Variants in PIGN observed in about 807,000 individuals in gnomAD.
PIGN encodes phosphatidylinositol glycan anchor biosynthesis class N, also known as GPI ethanolamine phosphate transferase 1.
In PIGN, 117 loss-of-function variants were observed where a neutral mutation model predicts 125.4. The observed-to-expected ratio is 0.93, with a 90% CI of 0.80 to 1.09. The LOEUF (loss-of-function observed/expected upper bound fraction) is 1.09. Among genes scored for constraint, PIGN ranks in the 50% least tolerant of loss-of-function variants. The pLI is 0.00. For missense variants in PIGN, 1,075 were observed against 1,094.9 expected (o/e 0.98, Z 0.26); for synonymous variants, 392 against 377.8 (o/e 1.04, Z -0.44).
In PIGN at chr18:62,102,995, C is replaced by T. The variant is rs543911118; in HGVS notation, c.1860-93G>A. The T allele has an allele frequency of 4.8e-5, 27 of 563,374 alleles. No homozygotes were observed. In the South Asian group the frequency reaches 9.3e-4, roughly 19 times the overall value. The allele number at this position is 563,374 out of a possible 1,614,324, so 34.9% of individuals were successfully genotyped here. On this transcript the variant is annotated intron_variant, in intron 20 of 30. Transcript: ENST00000640252. ...TGAGACATCTTACTCTAATACAGAA[C>T]CTCTCAGTCATTTGGCTTAATCAAG...
chr18:62,121,398 T>G lies in PIGN; in HGVS notation c.1173-6759A>C, dbSNP rs557942416. ...CAATAAATCCAAGCACTTTACACAT[T>G]TTTATCACTAAAAGCTGATAATCTA... is the stretch of plus-strand genomic sequence containing the variant. On this transcript the variant is annotated intron_variant, in intron 14 of 30. Transcript: ENST00000640252. Among the ~76,000 whole-genome samples, 3 of 152,294 alleles carry G rather than the reference T, an allele frequency of 2.0e-5. No individual in the cohort carries two copies. In the East Asian group the frequency reaches 5.8e-4, roughly 29 times the overall value.
chr18:62,169,474 T>TTA (rs1273937875), intron 1 of PIGN, among the ~76,000 whole-genome samples: 1 of 74,198 alleles, frequency 1.3e-5, no homozygotes, highest in East Asian at 5.6e-4. Context: ...TTTTTTATTA[T>TTA]TTTTTTTTTG....
At chr18:62,024,587 T>C (rs534520836) in intron 23 of PIGN, among the ~76,000 whole-genome samples, 7 of 152,332 alleles carry the variant, frequency 4.6e-5, no homozygotes, top group African/African-American at 1.7e-4. Flanking sequence ...ACTCCAACCT[T>C]AGCCCCACAT....
At chr18:62,047,139 C>A (rs2030787463) in intron 30 of PIGN, among the ~76,000 whole-genome samples, 1 of 152,250 alleles carries the variant, frequency 6.6e-6, no homozygotes, top group African/African-American at 2.4e-5. Context: ...CAGCCAAACA[C>A]CACAGAAAAA....
chr18:62,185,512 G>C (rs2037888025), intron 1 of PIGN, among the ~76,000 whole-genome samples: 1 of 152,032 alleles, frequency 6.6e-6, no homozygotes, highest in African/African-American at 2.4e-5. Flanking sequence ...TGAAATTAAA[G>C]CCTACTCTTA....
At chr18:62,103,037 G>A in intron 20 of PIGN, 135 bp from the exon 21 acceptor site, 1 of 431,668 alleles carries the variant, frequency 2.3e-6, no homozygotes, top group Non-Finnish European at 4.1e-6. Context: ...TAGCAAAATG[G>A]GTACATTTTC....
chr18:62,081,611 CTTCTAT>C (rs1325638661), intron 28 of PIGN, among the ~76,000 whole-genome samples: 1 of 152,026 alleles, frequency 6.6e-6, no homozygotes, highest in Non-Finnish European at 1.5e-5. Flanking sequence ...TTTGATGAGC[CTTCTAT>C]TTCTCATTCC....
At chr18:62,120,167 C>T (rs2035245090) in intron 14 of PIGN, among the ~76,000 whole-genome samples, 2 of 151,920 alleles carry the variant, frequency 1.3e-5, no homozygotes, top group African/African-American at 4.8e-5. Context: ...AGTAAAACTG[C>T]TGAAAACCAG....
At chr18:62,162,149 C>T (rs535801737) in intron 3 of PIGN, 104 bp downstream of exon 3, 3 of 152,124 alleles carry the variant, frequency 2.0e-5, no homozygotes, top group South Asian at 2.1e-4. Flanking sequence ...TAAAGAATAT[C>T]GAGTTCTCTG....
intron 1 of PIGN, among the ~76,000 whole-genome samples, chr18:62,173,439 C>T (rs1198274975): frequency 1.3e-5 from 2 of 152,028 alleles, no homozygotes; most frequent in African/African-American, 2.4e-5. Flanking sequence ...ACTGTGTCAC[C>T]CAGGCTGGTC....
intron 14 of PIGN, chr18:62,136,500 C>G (rs2147104025): frequency 6.6e-6 from 1 of 152,446 alleles, no homozygotes; most frequent in Middle Eastern, 3.4e-3. Context: ...AGGTGCCCGC[C>G]ACCATGCCCA....
intron 10 of PIGN, 32 bp from the exon 11 acceptor site, chr18:62,143,378 G>C (rs1462796034): frequency 7.5e-7 from 1 of 1,341,458 alleles, no homozygotes; most frequent in African/African-American, 1.4e-5. Context: ...AAGATCTGAT[G>C]TTAAGATTTA....
rs190292838 is a variant in PIGN, at chr18:62,117,734, T to C, written c.1173-3095A>G. On this transcript the variant is annotated intron_variant, in intron 14 of 30. Transcript: ENST00000640252. ...GTATACATATGTATTCTTGTCTACT[T>C]CATCAATTCTATTCTGTCAATTCTT... Among the ~76,000 whole-genome samples the C allele has an allele frequency of 2.2e-3, 340 of 152,194 alleles. 2 individuals are homozygous for C. The highest frequency in any genetic ancestry group is 3.9e-3 in the Admixed American group (59 of 15,268).
chr18:62,090,655 T>C, intron 23 of PIGN, 77 bp from the exon 24 acceptor site: 2 of 727,988 alleles, frequency 2.7e-6, no homozygotes, highest in African/African-American at 1.8e-5. Context: ...CACTGAGGTC[T>C]TTCTCAAAAT....
At chr18:62,179,904 T>C (rs1309067069) in intron 1 of PIGN, among the ~76,000 whole-genome samples, 5 of 152,210 alleles carry the variant, frequency 3.3e-5, no homozygotes, top group Non-Finnish European at 1.5e-5. Flanking sequence ...TTTATAAGCT[T>C]ATTCTAATCA....
chr18:62,040,590 C>T (rs1005592001), downstream of PIGN, among the ~76,000 whole-genome samples: 1 of 152,162 alleles, frequency 6.6e-6, no homozygotes, highest in African/African-American at 2.4e-5. Context: ...GATCACCTGG[C>T]TATGCTATGA....
At chr18:62,088,631 A>G in intron 25 of PIGN, 125 bp downstream of exon 25, 1 of 612,936 alleles carries the variant, frequency 1.6e-6, no homozygotes, top group East Asian at 3.0e-5. Context: ...TGAGAAAACT[A>G]TAGTTCAGGG....
chr18:62,132,320 C>T (rs2035770411), intron 14 of PIGN, among the ~76,000 whole-genome samples: 2 of 152,260 alleles, frequency 1.3e-5, no homozygotes, highest in South Asian at 4.1e-4. Flanking sequence ...ACATTAAAGA[C>T]TTGTAATGCA....
intron 15 of PIGN, among the ~76,000 whole-genome samples, chr18:62,114,149 G>A (rs1027051528): frequency 2.6e-5 from 4 of 152,148 alleles, no homozygotes; most frequent in Non-Finnish European, 5.9e-5. Context: ...ATCACCTGAT[G>A]TCAGAAGTTC....
Sources: gnomAD v4.1 joint callset for allele counts (sites outside exome capture counted in the v4.1 genomes callset) on GRCh38, gnomAD v4.1.1 for gene constraint, MANE v1.5 for transcripts, NCBI Gene and HGNC (gene_info 2026-07-23, HGNC 2026-07-21) for gene names.